Variants in PDE4B observed in about 807,000 individuals in gnomAD.
The protein encoded by PDE4B is 3',5'-cyclic-AMP phosphodiesterase 4B.
Under a neutral mutation model 82.2 loss-of-function variants are expected in PDE4B, and 20 were observed. The observed-to-expected ratio is 0.24, with a 90% CI of 0.17 to 0.35. PDE4B has a LOEUF of 0.35. Among genes scored for constraint, PDE4B ranks in the 10% least tolerant of loss-of-function variants. PDE4B has a pLI of 1.00. For missense variants in PDE4B, 655 were observed against 907.2 expected (o/e 0.72, Z 3.57); for synonymous variants, 320 against 318.9 (o/e 1.00, Z -0.04).
intron 3 of PDE4B, among the ~76,000 whole-genome samples, chr1:66,040,702 T>C (rs1234127721): frequency 6.6e-6 from 1 of 151,822 alleles, no homozygotes; most frequent in African/African-American, 2.4e-5. Flanking sequence ...GATGAAGTTT[T>C]AAAGAAGTGA....
intron 1 of PDE4B, among the ~76,000 whole-genome samples, chr1:65,902,415 T>G (rs1569619145): frequency 6.6e-6 from 1 of 152,136 alleles, no homozygotes; most frequent in African/African-American, 2.4e-5. Flanking sequence ...GAAGTTTTGT[T>G]TATGAATCAA....
At chr1:66,089,229 A>T (rs1644961259) in intron 3 of PDE4B, among the ~76,000 whole-genome samples, 1 of 152,114 alleles carries the variant, frequency 6.6e-6, no homozygotes. Context: ...AGAATTAGAG[A>T]CAAGGTATAC....
intron 1 of PDE4B, among the ~76,000 whole-genome samples, chr1:65,822,984 A>C (rs970111355): frequency 6.6e-6 from 1 of 152,074 alleles, no homozygotes; most frequent in African/African-American, 2.4e-5. Flanking sequence ...ACTGATTTTA[A>C]TTTCCATTTT....
chr1:65,849,000 G>T (rs565582435), intron 1 of PDE4B, among the ~76,000 whole-genome samples: 2 of 152,094 alleles, frequency 1.3e-5, no homozygotes, highest in South Asian at 4.2e-4. Context: ...ATTATTAATA[G>T]AATACTATCA....
intron 6 of PDE4B, among the ~76,000 whole-genome samples, chr1:66,262,666 T>A (rs1654770940): frequency 6.6e-6 from 1 of 152,206 alleles, no homozygotes; most frequent in South Asian, 2.1e-4. Context: ...CTACAAGCAA[T>A]CATGTGGCTT....
chr1:66,253,505 G>A (rs1160129435), intron 4 of PDE4B, among the ~76,000 whole-genome samples: 1 of 152,188 alleles, frequency 6.6e-6, no homozygotes, highest in East Asian at 1.9e-4. Flanking sequence ...TTTGTCACTA[G>A]ATGTTGCTCT....
chr1:65,810,733 CTT>C (rs1393385339), intron 1 of PDE4B, among the ~76,000 whole-genome samples: 2 of 152,066 alleles, frequency 1.3e-5, no homozygotes, highest in Admixed American at 1.3e-4. Flanking sequence ...ACTTGTAAGA[CTT>C]TTTCTTAAAG....
At chr1:66,360,695 C>T (rs1450357985) in intron 9 of PDE4B, 1 of 152,142 alleles carries the variant, frequency 6.6e-6, no homozygotes, top group East Asian at 1.9e-4. Flanking sequence ...TTCAGAAGTA[C>T]TGAAGATACA....
At chr1:65,978,810 C>A (rs1413416577) in intron 3 of PDE4B, among the ~76,000 whole-genome samples, 1 of 152,150 alleles carries the variant, frequency 6.6e-6, no homozygotes, top group African/African-American at 2.4e-5. Context: ...AATACTGAAT[C>A]ATTTAGAATT....
chr1:66,243,015 T>C (rs2101662850), intron 3 of PDE4B, among the ~76,000 whole-genome samples: 1 of 152,310 alleles, frequency 6.6e-6, no homozygotes, highest in East Asian at 1.9e-4. Context: ...AGACACAAGC[T>C]GGTATAAGAA....
intron 3 of PDE4B, among the ~76,000 whole-genome samples, chr1:66,074,647 C>G (rs1040557922): frequency 2.0e-5 from 3 of 152,070 alleles, no homozygotes; most frequent in Admixed American, 2.0e-4. Flanking sequence ...TTCCCCCTCC[C>G]CCAGTCCTTG....
At chr1:65,804,029 AT>A (rs1272093723) in intron 1 of PDE4B, among the ~76,000 whole-genome samples, 2 of 152,184 alleles carry the variant, frequency 1.3e-5, no homozygotes, top group Non-Finnish European at 2.9e-5. Context: ...AACTGGGAAA[AT>A]TATTCAATTG....
At chr1:65,804,577 ATAAT>A (rs779706566) in intron 1 of PDE4B, among the ~76,000 whole-genome samples, 1 of 152,146 alleles carries the variant, frequency 6.6e-6, no homozygotes. Flanking sequence ...AGTAGCAGCA[ATAAT>A]TAGAGAGTAG....
chr1:65,870,536 CAAATT>C (rs1571043642), intron 1 of PDE4B, among the ~76,000 whole-genome samples: 2 of 152,166 alleles, frequency 1.3e-5, no homozygotes, highest in Admixed American at 6.5e-5. Flanking sequence ...TAAAAACAAA[CAAATT>C]AATACCTTTC....
intron 3 of PDE4B, among the ~76,000 whole-genome samples, chr1:66,090,851 G>A (rs911167855): frequency 7.3e-5 from 11 of 151,632 alleles, no homozygotes; most frequent in South Asian, 2.1e-4. Flanking sequence ...CTTCTTTTAC[G>A]CTGTATGACG....
intron 1 of PDE4B, among the ~76,000 whole-genome samples, chr1:65,900,277 G>T (rs1646957457): frequency 1.3e-5 from 2 of 151,818 alleles, no homozygotes; most frequent in African/African-American, 4.8e-5. Flanking sequence ...GTAGATGTGT[G>T]GCTTTATTTC....
At chr1:65,805,155 G>C (rs979434667) in intron 1 of PDE4B, among the ~76,000 whole-genome samples, 7 of 152,224 alleles carry the variant, frequency 4.6e-5, no homozygotes, top group Admixed American at 2.6e-4. Flanking sequence ...AGTAGAAATG[G>C]GGTTTTGCCA....
intron 8 of PDE4B, among the ~76,000 whole-genome samples, chr1:66,347,796 T>G (rs1353089993): frequency 1.3e-5 from 2 of 152,188 alleles, no homozygotes; most frequent in Non-Finnish European, 1.5e-5. Context: ...CAAGCTATGA[T>G]AGATTTTTGT....
At chr1:66,278,355 T>A (rs1373057232) in intron 7 of PDE4B, among the ~76,000 whole-genome samples, 1 of 152,178 alleles carries the variant, frequency 6.6e-6, no homozygotes, top group Non-Finnish European at 1.5e-5. Flanking sequence ...TGAAATAACA[T>A]CCGTGGAACA....
Sources: allele counts gnomAD v4.1 joint callset (sites outside exome capture counted in the v4.1 genomes callset), GRCh38; gene constraint gnomAD v4.1.1; transcripts MANE v1.5; gene names NCBI Gene and HGNC (gene_info 2026-07-23, HGNC 2026-07-21).